The following TRIO variants were observed in gnomAD, a reference collection of about 807,000 sequenced individuals.
TRIO encodes the protein triple functional domain protein.
A neutral mutation model predicts 351.9 loss-of-function variants in TRIO; 58 were observed. The observed-to-expected ratio is 0.16, with a 90% CI of 0.13 to 0.21. The LOEUF (loss-of-function observed/expected upper bound fraction) is 0.21. Ranked by LOEUF, TRIO falls within the 10% of genes least tolerant of loss-of-function variation. The probability of loss-of-function intolerance (pLI) is 1.00; values close to 1 mark genes in which losing one functional copy is unlikely to be tolerated. For missense variants in TRIO, 3,201 were observed against 4,027.8 expected (o/e 0.79, Z 5.56); for synonymous variants, 1,758 against 1,595.7 (o/e 1.10, Z -2.42).
intron 8 of TRIO, among the ~76,000 whole-genome samples, chr5:14,309,333 C>T (rs1297726808): frequency 6.6e-6 from 1 of 152,096 alleles, no homozygotes; most frequent in African/African-American, 2.4e-5. Context: ...CCCAACCATT[C>T]TGTCTGGGTT....
At chr5:14,338,305 C>A (rs1741615114) in intron 11 of TRIO, among the ~76,000 whole-genome samples, 1 of 152,212 alleles carries the variant, frequency 6.6e-6, no homozygotes, top group African/African-American at 2.4e-5. Context: ...CACATCCTCA[C>A]AACATAGACC....
chr5:14,370,901 G>A (rs1460208197), intron 18 of TRIO, among the ~76,000 whole-genome samples: 1 of 152,172 alleles, frequency 6.6e-6, no homozygotes, highest in Non-Finnish European at 1.5e-5. Context: ...ATATAATTAA[G>A]ATAGCTATTT....
intron 1 of TRIO, among the ~76,000 whole-genome samples, chr5:14,188,200 A>G (rs1790239717): frequency 1.3e-5 from 2 of 152,208 alleles, no homozygotes; most frequent in Admixed American, 1.3e-4. Context: ...TCTGGGCTGA[A>G]TATTTTGTGA....
At chr5:14,359,062 A>G (rs1420785490) in intron 12 of TRIO, among the ~76,000 whole-genome samples, 1 of 152,244 alleles carries the variant, frequency 6.6e-6, no homozygotes, top group Non-Finnish European at 1.5e-5. Flanking sequence ...TTACTTAAGA[A>G]GAAAAGTGGC....
chr5:14,303,500 A>G (rs1738096472), intron 7 of TRIO, among the ~76,000 whole-genome samples: 1 of 146,552 alleles, frequency 6.8e-6, no homozygotes, highest in African/African-American at 2.6e-5. Flanking sequence ...GGAGGGTGGC[A>G]GTGGAGGAGA....
Position 14,378,047 on chromosome 5 carries a change from G to A in TRIO, c.3367G>A (p.Val1123Ile), listed in dbSNP as rs755423049. ...LNELFQRENR[V>I]LHYWTMRKRR... ...TGAACTCTTCCAACGGGAGAACAGG[G>A]TATTGCATTACTGGACCATGAGGAA... The change falls in exon 20 of 57, where the codon GTA becomes ATA. Residue 1123 changes from valine (V) to isoleucine (I), a missense_variant. Physicochemically the swap from Val to Ile is conservative, Grantham distance 29. Coordinates refer to ENST00000344204, the MANE Select transcript of TRIO (RefSeq NM_007118.4). 3 of 1,613,498 alleles carry A rather than the reference G, an allele frequency of 1.9e-6. No homozygotes were observed. The highest frequency in any genetic ancestry group is 2.5e-6 in the Non-Finnish European group (3 of 1,179,820).
intron 1 of TRIO, among the ~76,000 whole-genome samples, chr5:14,244,386 G>T (rs1794315784): frequency 6.6e-6 from 1 of 152,180 alleles, no homozygotes. Context: ...GGCTATCTTT[G>T]AAGCTATAGA....
At chr5:14,268,511 AT>A (rs1795816330) in intron 1 of TRIO, among the ~76,000 whole-genome samples, 1 of 152,102 alleles carries the variant, frequency 6.6e-6, no homozygotes, top group Non-Finnish European at 1.5e-5. Flanking sequence ...TGGTGGTGAC[AT>A]TTCTCTGTCT....
intron 42 of TRIO, 134 bp downstream of exon 42, chr5:14,479,484 CCTTT>C: frequency 8.4e-6 from 6 of 714,668 alleles, no homozygotes; most frequent in South Asian, 6.0e-5. Flanking sequence ...GACTTCTGAA[CCTTT>C]CTTTCTTTCC....
intron 27 of TRIO, among the ~76,000 whole-genome samples, chr5:14,393,611 A>C (rs547583462): frequency 1.3e-5 from 2 of 152,264 alleles, no homozygotes; most frequent in South Asian, 4.1e-4. Context: ...TTTAACTCTA[A>C]GCTCTGTCTT....
chr5:14,146,546 A>G (rs144639443), intron 1 of TRIO, among the ~76,000 whole-genome samples: 76 of 152,314 alleles, frequency 5.0e-4, no homozygotes, highest in African/African-American at 1.8e-3. Flanking sequence ...AAAGAAAGAG[A>G]AGACTTTAAT....
At chr5:14,391,321 A>T (rs1429664155) in intron 27 of TRIO, among the ~76,000 whole-genome samples, 1 of 152,214 alleles carries the variant, frequency 6.6e-6, no homozygotes, top group African/African-American at 2.4e-5. Context: ...TTTCACCTGT[A>T]ATACTGTATA....
intron 34 of TRIO, among the ~76,000 whole-genome samples, chr5:14,439,991 A>T (rs1751895394): frequency 6.6e-6 from 1 of 152,210 alleles, no homozygotes; most frequent in Admixed American, 6.5e-5. Flanking sequence ...AGGATTTTAA[A>T]ATTTTATTAT....
chr5:14,375,400 C>T (rs1000807166), intron 19 of TRIO, among the ~76,000 whole-genome samples: 2 of 152,060 alleles, frequency 1.3e-5, no homozygotes, highest in African/African-American at 4.8e-5. Flanking sequence ...TTTTAGGTTG[C>T]GCTAGTTTGA....
intron 11 of TRIO, among the ~76,000 whole-genome samples, chr5:14,339,973 T>G (rs1741789198): frequency 6.6e-6 from 1 of 152,246 alleles, no homozygotes; most frequent in African/African-American, 2.4e-5. Context: ...GCTAGGTGTT[T>G]GCATAAAGTC....
At chr5:14,179,287 A>G (rs1042177592) in intron 1 of TRIO, among the ~76,000 whole-genome samples, 9 of 152,202 alleles carry the variant, frequency 5.9e-5, no homozygotes, top group Admixed American at 1.3e-4. Context: ...GCTAGACTCA[A>G]ACATACGGTG....
intron 1 of TRIO, among the ~76,000 whole-genome samples, chr5:14,171,191 C>T (rs189778160): frequency 6.6e-6 from 1 of 152,124 alleles, no homozygotes; most frequent in Non-Finnish European, 1.5e-5. Flanking sequence ...TAGTTTGTCA[C>T]TTCAGTTTGC....
intron 1 of TRIO, among the ~76,000 whole-genome samples, chr5:14,159,200 A>G (rs1317315996): frequency 2.6e-5 from 4 of 152,154 alleles, no homozygotes; most frequent in Non-Finnish European, 5.9e-5. Context: ...GAAAAAGTGA[A>G]ATCACCTCTA....
intron 33 of TRIO, among the ~76,000 whole-genome samples, chr5:14,417,478 C>G (rs1459359334): frequency 6.6e-6 from 1 of 152,226 alleles, no homozygotes; most frequent in African/African-American, 2.4e-5. Flanking sequence ...GGGGGCAGCC[C>G]CAGAACACAG....
Sources: allele counts gnomAD v4.1 joint callset (sites outside exome capture counted in the v4.1 genomes callset), GRCh38; gene constraint gnomAD v4.1.1; transcripts MANE v1.5; gene names NCBI Gene and HGNC (gene_info 2026-07-23, HGNC 2026-07-21).